The following WNT7B variants were observed in gnomAD, a reference collection of about 807,000 sequenced individuals.
The protein encoded by WNT7B is protein Wnt-7b.
A neutral mutation model predicts 38.2 loss-of-function variants in WNT7B; 19 were observed. The ratio of observed to expected loss-of-function variants is 0.50; its 90% confidence interval spans 0.35 to 0.73. The LOEUF (loss-of-function observed/expected upper bound fraction) is 0.73, where lower values mean the gene tolerates loss of function less well. WNT7B is among the 30% of genes least tolerant of loss of function. WNT7B has a pLI of 0.01. For missense variants in WNT7B, 423 were observed against 507.9 expected, an observed-to-expected ratio of 0.83 and a Z score of 1.61; for synonymous variants, 243 against 209.3, an observed-to-expected ratio of 1.16 and a Z score of -1.39.
intron 1 of WNT7B, chr22:45,972,116 G>GGGGGGGCCCCCCCCC: frequency 2.3e-5 from 12 of 530,734 alleles, no homozygotes; most frequent in African/African-American, 4.1e-5. Context: ...CCCGGGGGGA[G>GGGGGGGCCCCCCCCC]CCCACCCGCC....
chr22:45,966,104 A>C lies in WNT7B; in HGVS notation c.71+10580T>G, dbSNP rs1932305185. Among the ~76,000 whole-genome samples the C allele has an allele frequency of 6.6e-6, 1 of 152,166 alleles. No homozygotes were observed. Among genetic ancestry groups the C allele is most frequent in the Non-Finnish European group, 1.5e-5 (1 of 68,034 alleles). ...CCTTCTCTGGCAGCCCGAGGGGGAC[A>C]CAGATTCCAAAGCAGACCCTGGGCA... is the stretch of plus-strand genomic sequence containing the variant. On this transcript the variant is annotated intron_variant, in intron 1 of 3. Transcript: ENST00000339464. The surrounding 1 kb of genome is among the most constrained non-coding windows in gnomAD (Gnocchi z 4.2).
intron 3 of WNT7B, chr22:45,926,828 GAGA>G (rs1259690842): frequency 3.0e-6 from 3 of 985,366 alleles, no homozygotes; most frequent in Non-Finnish European, 3.6e-6. Flanking sequence ...GCCACTGGCC[GAGA>G]AGGAGAGTGT....
At chr22:45,923,878 A>G (rs1484324202) in intron 3 of WNT7B, among the ~76,000 whole-genome samples, 2 of 152,208 alleles carry the variant, frequency 1.3e-5, no homozygotes, top group African/African-American at 2.4e-5. Context: ...GCCCAAGGCC[A>G]AGGGGAGCAG....
chr22:45,970,080 C>T (rs575611902), intron 1 of WNT7B, among the ~76,000 whole-genome samples: 1 of 152,210 alleles, frequency 6.6e-6, no homozygotes, highest in Non-Finnish European at 1.5e-5. Flanking sequence ...GTCAGCCTTG[C>T]GCCCACCAAA....
chr22:45,931,348 G>T lies in WNT7B; in HGVS notation c.320C>A (p.Thr107Lys). The change falls in exon 3 of 4, where the codon ACG (threonine) becomes AAG (lysine). Residue 107 changes from threonine to lysine, a missense_variant. By Grantham distance (78) the Thr-to-Lys change is moderately conservative. This residue lies in a region of WNT7B where 133 missense variants were observed against 179.8 expected (regional missense o/e 0.74). Coordinates refer to ENST00000339464, the MANE Select transcript of WNT7B (RefSeq NM_058238.3). ...LRVGSREAAF[T>K]YAITAAGVAH... Reference sequence around the variant, plus strand: ...CACGCCAGCCGCGGTGATGGCGTACGTGAAGGCAGCCTCACGGCTCCCTGC... The same window carrying T: ...CACGCCAGCCGCGGTGATGGCGTACTTGAAGGCAGCCTCACGGCTCCCTGC... 1 of 1,592,126 alleles carries T rather than the reference G, an allele frequency of 6.3e-7. No homozygotes were observed. Among genetic ancestry groups the T allele is most frequent in the Non-Finnish European group, 8.5e-7 (1 of 1,175,324 alleles).
chr22:45,928,065 C>G (rs1017033135), intron 3 of WNT7B, among the ~76,000 whole-genome samples: 2 of 152,210 alleles, frequency 1.3e-5, no homozygotes, highest in Admixed American at 6.5e-5. Flanking sequence ...GCCCTGCCAA[C>G]CAGCACCTCG....
intron 1 of WNT7B, among the ~76,000 whole-genome samples, chr22:45,958,739 C>T (rs1601736669): frequency 6.6e-6 from 1 of 152,202 alleles, no homozygotes; most frequent in South Asian, 2.1e-4. Context: ...CTGTCATCAA[C>T]CCTGCCCCTG....
chr22:45,943,654 C>T (rs751654117), intron 2 of WNT7B, among the ~76,000 whole-genome samples: 2 of 152,110 alleles, frequency 1.3e-5, no homozygotes, highest in East Asian at 1.9e-4. Context: ...TGAGAGCCTG[C>T]GGGCTTCTCT....
rs1932307825 is a variant in WNT7B at position 45,966,219 on chromosome 22, C to CG, written c.71+10464dup. ...AATGCCTCATCCTGTGTCCCCCAGG[C>CG]GGGGGTCTGCAGGGCAGGCAGTGCA... On this transcript the variant is annotated intron_variant, in intron 1 of 3. Transcript: ENST00000339464. This position sits in a 1 kb window ranked among gnomAD's most constrained non-coding sequence, Gnocchi z 4.2. 2.0e-5 allele frequency among the ~76,000 whole-genome samples: 3 copies of CG among 152,196 alleles called. No homozygotes were observed. The highest frequency in any genetic ancestry group is 7.2e-5 in the African/African-American group (3 of 41,450).
chr22:45,939,967 AG>A (rs1256493617), intron 2 of WNT7B, among the ~76,000 whole-genome samples: 2 of 152,342 alleles, frequency 1.3e-5, no homozygotes, highest in African/African-American at 2.4e-5. Flanking sequence ...GAGTGTTGCC[AG>A]GGGCGAGAGG....
chr22:45,943,929 G>A (rs962334588), intron 2 of WNT7B, among the ~76,000 whole-genome samples: 27 of 152,206 alleles, frequency 1.8e-4, no homozygotes, highest in Non-Finnish European at 3.7e-4. Flanking sequence ...TCCTGCCTCA[G>A]TGGCCCAGGG....
At chr22:45,928,678 C>G (rs1456794665) in intron 3 of WNT7B, among the ~76,000 whole-genome samples, 1 of 152,076 alleles carries the variant, frequency 6.6e-6, no homozygotes, top group African/African-American at 2.4e-5. Flanking sequence ...AGTCACCAGA[C>G]ACCTCCAAGT....
intron 1 of WNT7B, among the ~76,000 whole-genome samples, chr22:45,969,399 G>A (rs766562885): frequency 5.3e-5 from 8 of 152,212 alleles, no homozygotes; most frequent in Non-Finnish European, 1.0e-4. Context: ...AGCGCAGCCT[G>A]GTCCTGGTCA....
At chr22:45,945,357 G>A (rs1441203006) in intron 2 of WNT7B, among the ~76,000 whole-genome samples, 1 of 152,218 alleles carries the variant, frequency 6.6e-6, no homozygotes, top group African/African-American at 2.4e-5. Flanking sequence ...GGAATTACAA[G>A]TGTGAGCCAC....
intron 1 of WNT7B, chr22:45,972,116 G>GT: frequency 3.8e-6 from 2 of 530,746 alleles, no homozygotes; most frequent in East Asian, 3.7e-5. Context: ...CCCGGGGGGA[G>GT]CCCACCCGCC....
intron 2 of WNT7B, among the ~76,000 whole-genome samples, chr22:45,947,142 G>C (rs568346672): frequency 5.9e-5 from 9 of 152,374 alleles, no homozygotes; most frequent in Admixed American, 3.9e-4. Context: ...GGGGCCTGGC[G>C]TGCTTGGGGA....
rs1295228072 is a variant in WNT7B, at chr22:45,976,806, C to T, written c.-52G>A. On this transcript the variant is annotated 5_prime_UTR_variant, in exon 1 of 4. Coordinates refer to ENST00000339464, the MANE Select transcript of WNT7B (RefSeq NM_058238.3). This position sits in a 1 kb window ranked among gnomAD's most constrained non-coding sequence, Gnocchi z 8.5. ...GACAGCGGCGGCCGGAGGGGACGCG[C>T]GGGCCCGGCAGGGCCGGGCAGGGGC... is the stretch of plus-strand genomic sequence containing the variant. 1 of 1,544,596 alleles carries T rather than the reference C, an allele frequency of 6.5e-7. No homozygotes were observed. The highest frequency in any genetic ancestry group is 1.8e-5 in the Admixed American group (1 of 54,994).
chr22:45,926,913 CGCT>C (rs1569109428), intron 3 of WNT7B: 3 of 985,344 alleles, frequency 3.0e-6, no homozygotes, highest in African/African-American at 3.5e-5. Context: ...CCCAGCAGGA[CGCT>C]GTGGACCCTC....
At chr22:45,941,192 C>T (rs1355225132) in intron 2 of WNT7B, among the ~76,000 whole-genome samples, 1 of 152,120 alleles carries the variant, frequency 6.6e-6, no homozygotes, top group Non-Finnish European at 1.5e-5. Context: ...GCAAGTGGAT[C>T]GGGTGAGGGG....
Sources: gnomAD v4.1 joint callset for allele counts (sites outside exome capture counted in the v4.1 genomes callset) on GRCh38, gnomAD v4.1.1 for gene constraint, gnomAD v4.1.1 regional missense constraint, Gnocchi (gnomAD v3.1) non-coding constraint, MANE v1.5 for transcripts, NCBI Gene and HGNC (gene_info 2026-07-23, HGNC 2026-07-21) for gene names.